KLHL26: variants seen among roughly 807,000 people sequenced by gnomAD.
The protein encoded by KLHL26 is kelch like family member 26.
In KLHL26, 4 loss-of-function variants were observed where a neutral mutation model predicts 7.1. That is an observed-to-expected ratio of 0.56 (90% CI 0.28 to 1.28). KLHL26 has a LOEUF of 1.28. Among genes scored for constraint, KLHL26 ranks in the 50% most tolerant of loss-of-function variants. The probability of loss-of-function intolerance (pLI) is 0.11; values close to 1 mark genes in which losing one functional copy is unlikely to be tolerated. For missense variants in KLHL26, 896 were observed against 924.6 expected (o/e 0.97, Z 0.40); for synonymous variants, 465 against 414.1 (o/e 1.12, Z -1.49).
chr19:18,657,648 C>T (rs1317934581), intron 1 of KLHL26, among the ~76,000 whole-genome samples: 2 of 152,174 alleles, frequency 1.3e-5, no homozygotes, highest in South Asian at 2.1e-4. Context: ...TGGGACACTG[C>T]GGTGGGGCCC....
intron 1 of KLHL26, among the ~76,000 whole-genome samples, chr19:18,651,227 C>T (rs2052252369): frequency 6.6e-6 from 1 of 152,120 alleles, no homozygotes; most frequent in Non-Finnish European, 1.5e-5. Context: ...GAAAGGGGAC[C>T]TCACCTTGCC....
rs2052496844 is a variant in KLHL26 at position 18,669,133 on chromosome 19, A to G, written c.1736A>G (p.Gln579Arg). ...CTCAACAACGTCACGGGCATCGTACAGGTGTACAACACGGACACCGACGAG... is the reference window on the plus strand; with the variant it reads ...CTCAACAACGTCACGGGCATCGTACGGGTGTACAACACGGACACCGACGAG... ...WRLNNVTGIV[Q>R]VYNTDTDEWE... Residue 579 changes from glutamine to arginine, a missense_variant, in exon 3 of 3, where the codon CAG (glutamine) becomes CGG (arginine). By Grantham distance (43) the Gln-to-Arg change is conservative (BLOSUM62 1). Transcript: ENST00000300976. 1 of 1,612,804 alleles carries G rather than the reference A, an allele frequency of 6.2e-7. No homozygotes were observed. Among genetic ancestry groups the G allele is most frequent in the South Asian group, 1.1e-5 (1 of 91,094 alleles).
chr19:18,642,850 T>G (rs1156283248), intron 1 of KLHL26, among the ~76,000 whole-genome samples: 1 of 151,830 alleles, frequency 6.6e-6, no homozygotes, highest in Non-Finnish European at 1.5e-5. Flanking sequence ...TTTTTTTTTT[T>G]TGAGACATTG....
chr19:18,651,313 C>G (rs976569518), intron 1 of KLHL26, among the ~76,000 whole-genome samples: 3 of 152,156 alleles, frequency 2.0e-5, no homozygotes, highest in Admixed American at 6.5e-5. Context: ...CCAGGGAAGG[C>G]TCTGATTGGA....
At chr19:18,655,710 C>A (rs1310163298) in intron 1 of KLHL26, among the ~76,000 whole-genome samples, 2 of 151,990 alleles carry the variant, frequency 1.3e-5, no homozygotes, top group African/African-American at 4.8e-5. Flanking sequence ...AGAGAGCTTG[C>A]TGCTGGTCAG....
chr19:18,665,335 C>T lies in KLHL26; in HGVS notation c.266+892C>T, dbSNP rs377157509. Among the ~76,000 whole-genome samples, 37 of 152,330 alleles carry T rather than the reference C, an allele frequency of 2.4e-4. 1 individual carries two copies. The highest frequency in any genetic ancestry group is 7.9e-4 in the African/African-American group (33 of 41,578). On this transcript the variant is annotated intron_variant, in intron 2 of 2. Transcript: ENST00000300976. ...CCTCCCAAAGTGCTGGGATTACAGG[C>T]GTGAGCCACTGCGCCCAGCCCAATC...
chr19:18,660,753 G>A (rs1162250832), intron 1 of KLHL26, among the ~76,000 whole-genome samples: 2 of 152,224 alleles, frequency 1.3e-5, no homozygotes, highest in Non-Finnish European at 2.9e-5. Flanking sequence ...GGTGGGTTTG[G>A]CTTCACAGGG....
At chr19:18,644,070 C>T (rs1031765365) in intron 1 of KLHL26, among the ~76,000 whole-genome samples, 9 of 152,182 alleles carry the variant, frequency 5.9e-5, no homozygotes, top group African/African-American at 2.2e-4. Context: ...TAGCACTAAC[C>T]CCCTATTCTC....
chr19:18,661,212 A>G lies in KLHL26; in HGVS notation c.84-3049A>G, dbSNP rs534150205. On this transcript the variant is annotated intron_variant, in intron 1 of 2. Transcript: ENST00000300976. ...GCTTGGCCCAGGCTGCTGGCCCCTG[A>G]TGTCTCCTCTGAGATGCCCTGCCAG... Among the ~76,000 whole-genome samples the G allele has an allele frequency of 4.6e-5, 7 of 152,106 alleles. No homozygotes were observed. The East Asian group carries it at 1.4e-3, about 29-fold the overall frequency.
intron 1 of KLHL26, among the ~76,000 whole-genome samples, chr19:18,652,472 C>T (rs964072311): frequency 6.6e-6 from 1 of 151,850 alleles, no homozygotes; most frequent in South Asian, 2.1e-4. Flanking sequence ...CGCCTATAGT[C>T]CCAGCTACTC....
Position 18,669,178 on chromosome 19 carries a change from TC to T in KLHL26, c.1784del (p.Pro595ArgfsTer7), listed in dbSNP as rs1288241360. 1 of 1,612,668 alleles carries T rather than the reference TC, an allele frequency of 6.2e-7. No individual in the cohort carries two copies. The highest frequency in any genetic ancestry group is 1.1e-5 in the South Asian group (1 of 91,090). ...DTDEWERDLH[F>X]PESFAGIACA... is the part of the protein sequence containing the mutation. ...GACGAGTGGGAGCGGGACCTGCACT[TC>T]CCGGAGTCCTTCGCAGGCATAGCCT... On this transcript the variant is annotated frameshift_variant, in exon 3 of 3. Transcript: ENST00000300976. LOFTEE classifies it high-confidence loss of function.
rs973460078 is a variant in KLHL26, at chr19:18,649,601, G to A, written c.83+12464G>A. ...AAAGCAAAGGCGGCAAACGACAGCC[G>A]CTCTCTCCCTGTCCAGCTGTCTGAA... On this transcript the variant is annotated intron_variant, in intron 1 of 2. Transcript: ENST00000300976. The surrounding 1 kb of genome is among the most constrained non-coding windows in gnomAD (Gnocchi z 4.0). Among the ~76,000 whole-genome samples the A allele has an allele frequency of 6.6e-6, 1 of 152,220 alleles. No homozygotes were observed. Among genetic ancestry groups the A allele is most frequent in the African/African-American group, 2.4e-5 (1 of 41,458 alleles).
In KLHL26 at chr19:18,646,505, C is replaced by T. The variant is rs903104246; in HGVS notation, c.83+9368C>T. On this transcript the variant is annotated intron_variant, in intron 1 of 2. Coordinates refer to ENST00000300976, the MANE Select transcript of KLHL26 (RefSeq NM_018316.3). This position sits in a 1 kb window ranked among gnomAD's most constrained non-coding sequence, Gnocchi z 5.0. ...TCCTGGAAAATGTGGTCAGATATGG[C>T]GGCATGAGGTGTCTCATCATACCCA... Among the ~76,000 whole-genome samples the T allele has an allele frequency of 2.0e-5, 3 of 152,194 alleles. No individual in the cohort carries two copies.
At position 18,668,412 on chromosome 19, in the gene KLHL26, C is replaced by T. The variant is rs772672850; in HGVS notation, c.1015C>T (p.Arg339Cys). 62 of 1,610,592 alleles carry T rather than the reference C, an allele frequency of 3.8e-5. No homozygotes were observed. The highest frequency in any genetic ancestry group is 4.7e-5 in the Non-Finnish European group (56 of 1,179,552). The change falls in exon 3 of 3, where the codon CGC becomes TGC. Residue 339 changes from arginine (R) to cysteine (C), a missense_variant. By Grantham distance (180) the Arg-to-Cys change is radical (BLOSUM62 -3). Transcript: ENST00000300976. ...KVYQLPEPGARHFRELTEMEV... is the reference protein window; with the variant it reads ...KVYQLPEPGACHFRELTEMEV... Reference sequence around the variant, plus strand: ...CTACCAGCTGCCTGAGCCGGGAGCCCGCCACTTCCGCGAGCTCACGGAGAT... The same window carrying T: ...CTACCAGCTGCCTGAGCCGGGAGCCTGCCACTTCCGCGAGCTCACGGAGAT...
chr19:18,651,358 C>T (rs1220074399), intron 1 of KLHL26, among the ~76,000 whole-genome samples: 1 of 152,118 alleles, frequency 6.6e-6, no homozygotes, highest in Non-Finnish European at 1.5e-5. Flanking sequence ...AGGATGAATC[C>T]CTATGGCCAG....
At chr19:18,666,904 A>G (rs553960332) in intron 2 of KLHL26, among the ~76,000 whole-genome samples, 1 of 152,314 alleles carries the variant, frequency 6.6e-6, no homozygotes, top group East Asian at 1.9e-4. Context: ...TCAGGTGTCA[A>G]GTGGGGCTGC....
Position 18,650,570 on chromosome 19 carries a change from G to C in KLHL26, c.83+13433G>C, listed in dbSNP as rs540494223. ...CCTCGGGTCCTCGTGGCTCTCTGTC[G>C]TGTGAAGCGGGGGGTCAGGAGCGCA... On this transcript the variant is annotated intron_variant, in intron 1 of 2. Coordinates refer to ENST00000300976, the MANE Select transcript of KLHL26 (RefSeq NM_018316.3). The surrounding 1 kb of genome is among the most constrained non-coding windows in gnomAD (Gnocchi z 4.2). Among the ~76,000 whole-genome samples the C allele has an allele frequency of 3.3e-5, 5 of 152,280 alleles. No individual in the cohort carries two copies. The South Asian group carries it at 1.0e-3, about 32-fold the overall frequency.
rs1358240570 is a variant in KLHL26, at chr19:18,646,686, G to A, written c.83+9549G>A. ...TCAGTGTTACTGTGGCAGTGCTGAC[G>A]CCCATGATGGGGACACTGCCATCCT... On this transcript the variant is annotated intron_variant, in intron 1 of 2. Transcript: ENST00000300976. This position sits in a 1 kb window ranked among gnomAD's most constrained non-coding sequence, Gnocchi z 5.0. 1.3e-5 allele frequency among the ~76,000 whole-genome samples: 2 copies of A among 152,198 alleles called. No homozygotes were observed. The highest frequency in any genetic ancestry group is 6.5e-5 in the Admixed American group (1 of 15,282).
At chr19:18,665,802 T>G (rs2052441986) in intron 2 of KLHL26, among the ~76,000 whole-genome samples, 1 of 152,092 alleles carries the variant, frequency 6.6e-6, no homozygotes, top group Non-Finnish European at 1.5e-5. Flanking sequence ...TCCTGCCAGG[T>G]GGTGACCCCG....
Sources: allele counts gnomAD v4.1 joint callset (sites outside exome capture counted in the v4.1 genomes callset), GRCh38; gene constraint gnomAD v4.1.1; non-coding constraint Gnocchi (gnomAD v3.1); transcripts MANE v1.5; gene names NCBI Gene and HGNC (gene_info 2026-07-23, HGNC 2026-07-21).